Variants in CLUAP1 observed in about 807,000 individuals in gnomAD.
CLUAP1 encodes the protein clusterin-associated protein 1.
Under a neutral mutation model 55.0 loss-of-function variants are expected in CLUAP1, and 50 were observed. The observed-to-expected ratio is 0.91, with a 90% CI of 0.72 to 1.15. The LOEUF (loss-of-function observed/expected upper bound fraction) is 1.15, where lower values mean the gene tolerates loss of function less well. Ranked by LOEUF, CLUAP1 falls within the 50% of genes most tolerant of loss-of-function variation. CLUAP1 has a pLI of 0.00. For missense variants in CLUAP1, 530 were observed against 507.6 expected, an observed-to-expected ratio of 1.04 and a Z score of -0.42; for synonymous variants, 195 against 175.4, an observed-to-expected ratio of 1.11 and a Z score of -0.88.
upstream of CLUAP1, chr16:3,500,891 G>T (rs564337522): frequency 3.0e-6 from 2 of 668,870 alleles, no homozygotes; most frequent in Non-Finnish European, 2.5e-6. Context: ...GCTCTCTGCC[G>T]GCCCGCTCTC....
intron 4 of CLUAP1, among the ~76,000 whole-genome samples, chr16:3,511,100 G>A (rs777615535): frequency 6.6e-5 from 10 of 152,320 alleles, no homozygotes; most frequent in Admixed American, 2.6e-4. Flanking sequence ...TGTGCTGCTC[G>A]GAAGGGAAGA....
At chr16:3,528,246 T>G (rs1304485198) in intron 9 of CLUAP1, among the ~76,000 whole-genome samples, 3 of 152,174 alleles carry the variant, frequency 2.0e-5, no homozygotes, top group Non-Finnish European at 4.4e-5. Flanking sequence ...GGGTGAAATA[T>G]TCTATTCACT....
chr16:3,520,243 A>C (rs2037808159), intron 7 of CLUAP1, among the ~76,000 whole-genome samples: 1 of 151,960 alleles, frequency 6.6e-6, no homozygotes, highest in East Asian at 1.9e-4. Context: ...ATGGTGATAC[A>C]CACCTGTAGT....
chr16:3,514,931 G>A (rs1379593656), intron 5 of CLUAP1, among the ~76,000 whole-genome samples: 1 of 152,208 alleles, frequency 6.6e-6, no homozygotes, highest in African/African-American at 2.4e-5. Context: ...TGTCTCCCTT[G>A]ATAGGTTAAT....
chr16:3,512,344 C>A (rs375190764), intron 4 of CLUAP1, 39 bp from the exon 5 acceptor site: 5 of 1,487,476 alleles, frequency 3.4e-6, no homozygotes, highest in Admixed American at 1.7e-5. Flanking sequence ...TAAAAAACAT[C>A]TGTTGCTGAG....
chr16:3,509,471 G>C (rs748024658), intron 4 of CLUAP1, among the ~76,000 whole-genome samples: 1 of 152,242 alleles, frequency 6.6e-6, no homozygotes, highest in East Asian at 1.9e-4. Flanking sequence ...CGAAGCAGGC[G>C]GCAGGGCTGG....
intron 2 of CLUAP1, among the ~76,000 whole-genome samples, chr16:3,505,758 G>A (rs2037494980): frequency 6.6e-6 from 1 of 152,148 alleles, no homozygotes; most frequent in Admixed American, 6.5e-5. Context: ...CTTTTTCTGT[G>A]AAAAAATTGA....
chr16:3,516,295 T>G (rs1038719511), intron 6 of CLUAP1, among the ~76,000 whole-genome samples: 5 of 152,182 alleles, frequency 3.3e-5, no homozygotes, highest in African/African-American at 1.2e-4. Context: ...ACATTCAGAG[T>G]AGGCATAAAA....
At chr16:3,508,496 G>A (rs746839973) in intron 4 of CLUAP1, 28 bp downstream of exon 4, 60 of 1,512,984 alleles carry the variant, frequency 4.0e-5, no homozygotes, top group Non-Finnish European at 4.9e-5. Context: ...CTTGTAGTGG[G>A]CGATGGAGCG....
chr16:3,512,464 G>A lies in CLUAP1; in HGVS notation c.481G>A (p.Glu161Lys), dbSNP rs751498093. ...ATCTCTGTATGACTTGCTCGGCATG[G>A]AAGTAGAGTTGAGGGTAAGCATTCC... ...GASLYDLLGM[E>K]VELREMRTEA... is the part of the protein sequence containing the mutation. The change falls in exon 5 of 12, where the codon GAA (glutamate) becomes AAA (lysine). Residue 161 changes from glutamate (E) to lysine (K), a missense_variant. By Grantham distance (56) the Glu-to-Lys change is moderately conservative (BLOSUM62 1). Transcript: ENST00000576634. The A allele has an allele frequency of 2.5e-6, 4 of 1,613,644 alleles. No homozygotes were observed. In the Admixed American group the frequency reaches 6.7e-5, roughly 27 times the overall value.
rs760337967 is a variant in CLUAP1, at chr16:3,536,733, G to A, written c.*462G>A. On this transcript the variant is annotated 3_prime_UTR_variant, in exon 12 of 12. Transcript: ENST00000576634. The stretch of plus-strand genomic sequence containing the variant: ...CAGTTGAGAACATTTCCTATACATC[G>A]GCTTTTAATTCTAGCTCTTATTTCA... The A allele has an allele frequency of 6.5e-6, 1 of 153,662 alleles. No individual in the cohort carries two copies. Among genetic ancestry groups the A allele is most frequent in the Non-Finnish European group, 1.4e-5 (1 of 69,136 alleles). 9.5% of individuals were successfully genotyped at this position (153,662 alleles called of 1,614,324 possible).
intron 4 of CLUAP1, 65 bp downstream of exon 4, chr16:3,508,533 G>C: frequency 1.4e-6 from 2 of 1,400,688 alleles, no homozygotes; most frequent in Non-Finnish European, 1.9e-6. Flanking sequence ...TGAAGTGGAA[G>C]GAGTCTGCTA....
chr16:3,515,834 T>C (rs998713830), intron 6 of CLUAP1, among the ~76,000 whole-genome samples: 2 of 152,232 alleles, frequency 1.3e-5, no homozygotes, highest in Non-Finnish European at 2.9e-5. Flanking sequence ...AATTTGATAA[T>C]TATCAGTTAT....
At chr16:3,501,219 C>G in intron 1 of CLUAP1, 130 bp downstream of exon 1, 1 of 927,312 alleles carries the variant, frequency 1.1e-6, no homozygotes, top group Non-Finnish European at 1.6e-6. Flanking sequence ...CTCTGCGCCT[C>G]AGGGACCGCC....
intron 3 of CLUAP1, among the ~76,000 whole-genome samples, chr16:3,507,638 G>A (rs951343724): frequency 4.0e-5 from 6 of 150,732 alleles, no homozygotes; most frequent in Non-Finnish European, 8.8e-5. Flanking sequence ...CCTGGGCCAA[G>A]TTCCATTCCA....
chr16:3,506,602 C>T (rs898251245), intron 3 of CLUAP1, among the ~76,000 whole-genome samples, 187 bp downstream of exon 3: 2 of 151,996 alleles, frequency 1.3e-5, no homozygotes, highest in South Asian at 2.1e-4. Flanking sequence ...TCCGTCTCCT[C>T]GGGGGTTCTC....
intron 5 of CLUAP1, among the ~76,000 whole-genome samples, chr16:3,514,171 C>G (rs527451361): frequency 1.3e-5 from 2 of 152,262 alleles, no homozygotes; most frequent in African/African-American, 4.8e-5. Flanking sequence ...AGGAGCTGGC[C>G]ACTTGCTGAT....
At chr16:3,532,403 CTTTTTTTTTTTTTT>C (rs58037008) in intron 10 of CLUAP1, among the ~76,000 whole-genome samples, 2 of 50,728 alleles carry the variant, frequency 3.9e-5, no homozygotes, top group Non-Finnish European at 3.5e-5. Flanking sequence ...AGCACAGTTG[CTTTTTTTTTTTTTT>C]TTTTTTTTTT....
chr16:3,512,411 T>C lies in CLUAP1; in HGVS notation c.428T>C (p.Leu143Pro). Residue 143 changes from leucine (L) to proline (P), a missense_variant, in exon 5 of 12, where the codon CTT (leucine) becomes CCT (proline). Coordinates refer to ENST00000576634, the MANE Select transcript of CLUAP1 (RefSeq NM_015041.3). ...KIADLKAARQ[L>P]ASEITSKGAS... ...GCAGATTTGAAGGCAGCCAGGCAGC[T>C]TGCGTCTGAAATCACCTCCAAAGGA... The C allele has an allele frequency of 6.2e-7, 1 of 1,614,070 alleles. No individual in the cohort carries two copies. The highest frequency in any genetic ancestry group is 1.6e-4 in the Middle Eastern group (1 of 6,062).
Sources: allele counts gnomAD v4.1 joint callset (sites outside exome capture counted in the v4.1 genomes callset), GRCh38; gene constraint gnomAD v4.1.1; transcripts MANE v1.5; gene names NCBI Gene and HGNC (gene_info 2026-07-23, HGNC 2026-07-21).